SGCD: variants seen among roughly 807,000 people sequenced by gnomAD.
The protein encoded by SGCD is delta-sarcoglycan.
Under a neutral mutation model 36.6 loss-of-function variants are expected in SGCD, and 18 were observed. The observed-to-expected ratio is 0.49, with a 90% CI of 0.34 to 0.73. SGCD has a LOEUF of 0.73. Ranked by LOEUF, SGCD falls within the 30% of genes least tolerant of loss-of-function variation. SGCD has a pLI of 0.01. For missense variants in SGCD, 387 were observed against 346.7 expected (o/e 1.12, Z -0.92); for synonymous variants, 133 against 130.6 (o/e 1.02, Z -0.12).
intron 1 of SGCD, among the ~76,000 whole-genome samples, chr5:156,071,863 T>G (rs1225101288): frequency 1.3e-5 from 2 of 152,202 alleles, no homozygotes; most frequent in Non-Finnish European, 2.9e-5. Context: ...CTTGTTGAAT[T>G]GATCCCTTTA....
At chr5:155,886,753 G>A (rs1449180676) in intron 1 of SGCD, among the ~76,000 whole-genome samples, 1 of 152,220 alleles carries the variant, frequency 6.6e-6, no homozygotes, top group Admixed American at 6.5e-5. Flanking sequence ...TCTGGGACTA[G>A]CAGCTGAGAT....
At chr5:156,062,440 A>G (rs1352995112) in intron 1 of SGCD, among the ~76,000 whole-genome samples, 6 of 112,188 alleles carry the variant, frequency 5.3e-5, no homozygotes, top group African/African-American at 2.5e-4. Flanking sequence ...TCCTTTGGGT[A>G]TATACCCAGT....
chr5:155,972,574 G>T (rs1758027950), intron 1 of SGCD, among the ~76,000 whole-genome samples: 2 of 152,192 alleles, frequency 1.3e-5, no homozygotes, highest in South Asian at 4.1e-4. Flanking sequence ...TGATATGTGT[G>T]TTTAAGCATA....
intron 1 of SGCD, among the ~76,000 whole-genome samples, chr5:156,097,303 T>C (rs1005759367): frequency 2.6e-5 from 4 of 152,184 alleles, no homozygotes; most frequent in African/African-American, 9.6e-5. Flanking sequence ...CATCTCTCTA[T>C]TTCCCCTCTC....
chr5:156,595,732 G>T (rs1050986866), intron 6 of SGCD, among the ~76,000 whole-genome samples: 1 of 152,138 alleles, frequency 6.6e-6, no homozygotes, highest in Non-Finnish European at 1.5e-5. Context: ...TCCTAAACCT[G>T]GTTGCAACTG....
chr5:156,380,171 A>T (rs929742354), intron 3 of SGCD, among the ~76,000 whole-genome samples: 4 of 151,934 alleles, frequency 2.6e-5, no homozygotes, highest in African/African-American at 9.7e-5. Context: ...TCTGATTTAG[A>T]TTATTTTTCC....
chr5:156,633,791 CA>C (rs1762723533), intron 6 of SGCD, among the ~76,000 whole-genome samples: 1 of 152,150 alleles, frequency 6.6e-6, no homozygotes, highest in Non-Finnish European at 1.5e-5. Flanking sequence ...TACATGGTGT[CA>C]AGAAAACGTG....
At chr5:156,089,957 C>T (rs907934319) in intron 1 of SGCD, among the ~76,000 whole-genome samples, 6 of 152,042 alleles carry the variant, frequency 3.9e-5, no homozygotes, top group Non-Finnish European at 7.4e-5. Flanking sequence ...AAGCCCCAGA[C>T]CCTGGGGCAC....
intron 7 of SGCD, among the ~76,000 whole-genome samples, chr5:156,733,973 C>T (rs983573412): frequency 4.0e-5 from 6 of 151,858 alleles, no homozygotes; most frequent in Admixed American, 2.0e-4. Flanking sequence ...ATGATCTTAG[C>T]GGGTTATTTT....
At chr5:156,028,042 A>T (rs988861685) in intron 1 of SGCD, among the ~76,000 whole-genome samples, 2 of 152,214 alleles carry the variant, frequency 1.3e-5, no homozygotes, top group African/African-American at 2.4e-5. Flanking sequence ...CTTACTTCCT[A>T]AAGCTCCTGT....
At chr5:156,493,309 A>G (rs923902863) in intron 3 of SGCD, among the ~76,000 whole-genome samples, 1 of 152,216 alleles carries the variant, frequency 6.6e-6, no homozygotes, top group African/African-American at 2.4e-5. Context: ...GTTGTTAAAT[A>G]TAGTCATCAT....
chr5:156,093,863 A>G (rs1243848111), intron 1 of SGCD, among the ~76,000 whole-genome samples: 1 of 152,228 alleles, frequency 6.6e-6, no homozygotes, highest in Non-Finnish European at 1.5e-5. Flanking sequence ...CCTCTTTATA[A>G]GGTGGGTTGG....
chr5:156,286,700 C>T (rs1766607988), intron 3 of SGCD, among the ~76,000 whole-genome samples: 1 of 151,970 alleles, frequency 6.6e-6, no homozygotes, highest in Non-Finnish European at 1.5e-5. Context: ...GGAGGGATAG[C>T]ATTTGGAGAT....
chr5:156,241,251 C>CATGT (rs369045935), intron 3 of SGCD, among the ~76,000 whole-genome samples: 1 of 145,060 alleles, frequency 6.9e-6, no homozygotes, highest in Non-Finnish European at 1.5e-5. Flanking sequence ...TAGACCAAAA[C>CATGT]GTGTGTGTGT....
At chr5:156,631,572 A>T (rs1433621741) in intron 6 of SGCD, among the ~76,000 whole-genome samples, 1 of 147,832 alleles carries the variant, frequency 6.8e-6, no homozygotes, top group African/African-American at 2.5e-5. Flanking sequence ...GTTTGTAGGG[A>T]TAGAGGAAAA....
At chr5:156,282,292 C>T (rs1766473727) in intron 3 of SGCD, among the ~76,000 whole-genome samples, 1 of 152,130 alleles carries the variant, frequency 6.6e-6, no homozygotes, top group Admixed American at 6.5e-5. Context: ...TTAACTTGCT[C>T]ATCCTGCTTT....
At chr5:156,575,408 A>G (rs565633570) in intron 4 of SGCD, among the ~76,000 whole-genome samples, 22 of 152,344 alleles carry the variant, frequency 1.4e-4, no homozygotes, top group African/African-American at 5.0e-4. Flanking sequence ...CTTACAGCTT[A>G]GACTACACAT....
At chr5:155,783,232 G>T in the SGCD span, among the ~76,000 whole-genome samples, 7 of 152,172 alleles carry the variant, frequency 4.6e-5, no homozygotes, top group Non-Finnish European at 8.8e-5. Context: ...GGGAAATTTA[G>T]TGTTCCACTT....
chr5:156,368,688 G>C (rs1561649546), intron 3 of SGCD, among the ~76,000 whole-genome samples: 1 of 152,114 alleles, frequency 6.6e-6, no homozygotes. Flanking sequence ...GGTGGCATTA[G>C]ATTCTCACAG....
Sources: allele counts gnomAD v4.1 joint callset (sites outside exome capture counted in the v4.1 genomes callset), GRCh38; gene constraint gnomAD v4.1.1; transcripts MANE v1.5; gene names NCBI Gene and HGNC (gene_info 2026-07-23, HGNC 2026-07-21).